Variants in SLC12A8 observed in about 807,000 individuals in gnomAD.
The protein encoded by SLC12A8 is solute carrier family 12 member 8, also known as cation-chloride cotransporter 9.
A neutral mutation model predicts 75.6 loss-of-function variants in SLC12A8; 69 were observed. That is an observed-to-expected ratio of 0.91 (90% CI 0.75 to 1.11). SLC12A8 has a LOEUF of 1.11. Ranked by LOEUF, SLC12A8 falls within the 50% of genes most tolerant of loss-of-function variation. The probability of loss-of-function intolerance (pLI) is 0.00; values close to 1 mark genes in which losing one functional copy is unlikely to be tolerated. For missense variants in SLC12A8, 877 were observed against 896.7 expected (o/e 0.98, Z 0.28); for synonymous variants, 365 against 372.8 (o/e 0.98, Z 0.24).
chr3:125,108,579 G>A (rs1348564966), intron 9 of SLC12A8, among the ~76,000 whole-genome samples: 1 of 152,040 alleles, frequency 6.6e-6, no homozygotes, highest in East Asian at 1.9e-4. Context: ...ATGTTGCCCA[G>A]GCCAGTCACA....
chr3:125,184,813 T>C (rs693970), intron 4 of SLC12A8, among the ~76,000 whole-genome samples: 146,774 of 151,770 alleles, frequency 0.97, 71,151 homozygotes, highest in Middle Eastern at 1. Context: ...GAATTAGGGA[T>C]CAGAAAAACA....
intron 4 of SLC12A8, among the ~76,000 whole-genome samples, chr3:125,186,916 G>A (rs998322081): frequency 6.6e-6 from 1 of 152,184 alleles, no homozygotes; most frequent in Non-Finnish European, 1.5e-5. Flanking sequence ...CCACCTGGCT[G>A]CCACCTGGGC....
At chr3:125,146,306 G>T (rs565180392) in intron 5 of SLC12A8, among the ~76,000 whole-genome samples, 2 of 152,194 alleles carry the variant, frequency 1.3e-5, no homozygotes, top group Admixed American at 1.3e-4. Context: ...TAGTGGGGGC[G>T]GAGTTTCTGT....
intron 5 of SLC12A8, among the ~76,000 whole-genome samples, chr3:125,143,469 T>A (rs900654747): frequency 2.6e-5 from 4 of 152,260 alleles, no homozygotes; most frequent in Admixed American, 2.6e-4. Context: ...CTCTCTGGCT[T>A]CAGCCCTATT....
intron 5 of SLC12A8, among the ~76,000 whole-genome samples, chr3:125,172,341 CCTGT>C (rs1298253243): frequency 6.6e-6 from 1 of 151,572 alleles, no homozygotes; most frequent in Non-Finnish European, 1.5e-5. Context: ...TCTCTCTCTC[CCTGT>C]CTGTCTCTCT....
chr3:125,141,053 G>GC (rs1270203483), intron 5 of SLC12A8, among the ~76,000 whole-genome samples: 1 of 152,132 alleles, frequency 6.6e-6, no homozygotes, highest in Non-Finnish European at 1.5e-5. Flanking sequence ...TGCAGCTGCT[G>GC]CGTGTGAATG....
At chr3:125,123,920 C>T (rs944983672) in intron 6 of SLC12A8, among the ~76,000 whole-genome samples, 1 of 152,088 alleles carries the variant, frequency 6.6e-6, no homozygotes, top group Non-Finnish European at 1.5e-5. Context: ...CCATGAAGAC[C>T]CCTGAGAACA....
At chr3:125,088,162 C>T (rs1057010380) in intron 13 of SLC12A8, 148 bp downstream of exon 13, 1 of 680,194 alleles carries the variant, frequency 1.5e-6, no homozygotes, top group Non-Finnish European at 2.6e-6. Context: ...CACGCAGGAG[C>T]AACATCTGAG....
intron 4 of SLC12A8, among the ~76,000 whole-genome samples, chr3:125,185,133 C>T (rs971211360): frequency 6.6e-6 from 1 of 152,052 alleles, no homozygotes; most frequent in African/African-American, 2.4e-5. Context: ...CTAGCCTGAC[C>T]AACATGGAGA....
intron 5 of SLC12A8, among the ~76,000 whole-genome samples, chr3:125,141,940 AG>A (rs1169216368): frequency 6.6e-6 from 1 of 151,822 alleles, no homozygotes; most frequent in Non-Finnish European, 1.5e-5. Context: ...GCTTCTGGGA[AG>A]GGACCCGCAC....
intron 5 of SLC12A8, among the ~76,000 whole-genome samples, chr3:125,172,815 A>G (rs1934434237): frequency 1.3e-5 from 2 of 152,244 alleles, no homozygotes; most frequent in South Asian, 4.1e-4. Context: ...TTCGTTGTTT[A>G]TATTTAAAGA....
chr3:125,094,077 C>T (rs1237598308), intron 10 of SLC12A8, among the ~76,000 whole-genome samples: 1 of 152,134 alleles, frequency 6.6e-6, no homozygotes, highest in African/African-American at 2.4e-5. Flanking sequence ...CTGTCAACTC[C>T]CTTAGCTGCA....
chr3:125,194,833 T>C (rs141721001), intron 2 of SLC12A8, among the ~76,000 whole-genome samples: 1,601 of 152,358 alleles, frequency 0.011, 33 homozygotes, highest in African/African-American at 0.035. Flanking sequence ...TTCTGAAAGT[T>C]AATATTGGAT....
At chr3:125,166,263 C>T (rs1934284554) in intron 5 of SLC12A8, among the ~76,000 whole-genome samples, 1 of 152,138 alleles carries the variant, frequency 6.6e-6, no homozygotes, top group Non-Finnish European at 1.5e-5. Flanking sequence ...AAGCCACCAG[C>T]CAGCCAGTCA....
chr3:125,126,345 C>T (rs866657090), intron 6 of SLC12A8, among the ~76,000 whole-genome samples: 12 of 152,264 alleles, frequency 7.9e-5, no homozygotes, highest in Middle Eastern at 3.4e-3. Flanking sequence ...TTGGGGTCAG[C>T]GCCTACTTCC....
chr3:125,182,421 C>T (rs1446966602), intron 4 of SLC12A8, among the ~76,000 whole-genome samples: 1 of 151,782 alleles, frequency 6.6e-6, no homozygotes, highest in Non-Finnish European at 1.5e-5. Context: ...ATTTAAAAAG[C>T]ATTGGTTTAA....
At chr3:125,093,358 T>A (rs769628558) in intron 10 of SLC12A8, among the ~76,000 whole-genome samples, 1 of 152,104 alleles carries the variant, frequency 6.6e-6, no homozygotes, top group Non-Finnish European at 1.5e-5. Flanking sequence ...TCAGCCAAAC[T>A]CTCTTGACTG....
At chr3:125,151,860 T>G (rs1933933120) in intron 5 of SLC12A8, among the ~76,000 whole-genome samples, 1 of 152,252 alleles carries the variant, frequency 6.6e-6, no homozygotes, top group African/African-American at 2.4e-5. Flanking sequence ...GAAAATTTGG[T>G]GTGAATTAAA....
chr3:125,115,621 G>A (rs1939290867), intron 8 of SLC12A8, among the ~76,000 whole-genome samples: 1 of 152,082 alleles, frequency 6.6e-6, no homozygotes, highest in Admixed American at 6.5e-5. Context: ...GAAGCTGCAG[G>A]AAACCCAGAA....
Sources: allele counts gnomAD v4.1 joint callset (sites outside exome capture counted in the v4.1 genomes callset), GRCh38; gene constraint gnomAD v4.1.1; transcripts MANE v1.5; gene names NCBI Gene and HGNC (gene_info 2026-07-23, HGNC 2026-07-21).